TTC6: variants seen among roughly 807,000 people sequenced by gnomAD.
TTC6 encodes the protein tetratricopeptide repeat domain 6, also known as tetratricopeptide repeat protein 6.
A neutral mutation model predicts 210.4 loss-of-function variants in TTC6; 172 were observed. The observed-to-expected ratio is 0.82, with a 90% CI of 0.72 to 0.93. The LOEUF (loss-of-function observed/expected upper bound fraction) is 0.93, where lower values mean the gene tolerates loss of function less well. TTC6 is among the 40% of genes least tolerant of loss of function. The probability of loss-of-function intolerance (pLI) is 0.00; values close to 1 mark genes in which losing one functional copy is unlikely to be tolerated. For missense variants in TTC6, 2,414 were observed against 2,318.1 expected (o/e 1.04, Z -0.85); for synonymous variants, 804 against 819.6 (o/e 0.98, Z 0.32).
At chr14:37,602,068 C>T (rs965452487) in intron 1 of TTC6, among the ~76,000 whole-genome samples, 2 of 152,214 alleles carry the variant, frequency 1.3e-5, no homozygotes, top group Non-Finnish European at 2.9e-5. Flanking sequence ...AGGCTGCGCA[C>T]CCGGCTTAGA....
At chr14:37,628,686 G>T (rs529221387) in intron 1 of TTC6, among the ~76,000 whole-genome samples, 3 of 152,088 alleles carry the variant, frequency 2.0e-5, no homozygotes, top group African/African-American at 7.2e-5. Context: ...TTGCCCATGC[G>T]TATGTCCTGA....
At chr14:37,623,580 C>T (rs1428141692) in intron 1 of TTC6, among the ~76,000 whole-genome samples, 2 of 152,200 alleles carry the variant, frequency 1.3e-5, no homozygotes, top group Non-Finnish European at 2.9e-5. Context: ...ACTTTACATG[C>T]ATTTTTGTCC....
intron 14 of TTC6, among the ~76,000 whole-genome samples, chr14:37,754,478 A>G (rs2095961765): frequency 6.6e-6 from 1 of 150,828 alleles, no homozygotes; most frequent in African/African-American, 2.4e-5. Flanking sequence ...TGTCACCCAG[A>G]CTGGAGTGCG....
chr14:37,771,640 G>C (rs979308533), intron 14 of TTC6, among the ~76,000 whole-genome samples: 2 of 152,042 alleles, frequency 1.3e-5, no homozygotes, highest in African/African-American at 2.4e-5. Context: ...CTCGAGCCTT[G>C]GTTTTCAGCT....
Position 37,668,725 on chromosome 14 carries a change from A to G in TTC6, c.940-11426A>G, listed in dbSNP as rs536916533. On this transcript the variant is annotated intron_variant, in intron 1 of 30. Transcript: ENST00000553443. ...CAAAGTCACATGGCAAAAGGTGTGG[A>G]CAGAGTGAGAGGTGAAAAATTGAGG... Among the ~76,000 whole-genome samples, 5 of 152,314 alleles carry G rather than the reference A, an allele frequency of 3.3e-5. No individual in the cohort carries two copies. The South Asian group carries it at 1.0e-3, about 32-fold the overall frequency.
At chr14:37,695,328 A>G (rs940395224) in intron 3 of TTC6, among the ~76,000 whole-genome samples, 2 of 152,042 alleles carry the variant, frequency 1.3e-5, no homozygotes. Context: ...TGATAGCACA[A>G]CAGGGTGACT....
chr14:37,630,717 G>C (rs1262072578), intron 1 of TTC6, among the ~76,000 whole-genome samples: 6 of 151,998 alleles, frequency 3.9e-5, no homozygotes, highest in Non-Finnish European at 1.5e-5. Context: ...GGGTGTTTAA[G>C]TCTTTTTGTA....
At chr14:37,680,122 C>A in intron 1 of TTC6, 29 bp from the exon 4 acceptor site, 3 of 1,313,526 alleles carry the variant, frequency 2.3e-6, no homozygotes, top group Non-Finnish European at 3.1e-6. Context: ...TAAAAATTGG[C>A]ATCACTTTGT....
rs114377509 is a variant in TTC6, at chr14:37,734,456, C to G, written c.1819-1465C>G. Among the ~76,000 whole-genome samples the G allele has an allele frequency of 6.5e-3, 987 of 152,214 alleles. 12 individuals carry two copies. Among genetic ancestry groups the G allele is most frequent in the African/African-American group, 0.022 (933 of 41,530 alleles). ...AAGCATCTTTGAATAGTAGGCTTAC[C>G]TTTTCTGGTACCTTGTCTTTTCTCA... On this transcript the variant is annotated intron_variant, in intron 7 of 30. Coordinates refer to ENST00000553443, the Ensembl canonical transcript of TTC6.
chr14:37,738,893 C>T (rs925133808), exon 10 of TTC6: 21 of 1,535,200 alleles, frequency 1.4e-5, no homozygotes, highest in Admixed American at 5.9e-5. Flanking sequence ...GGAATTGAAA[C>T]GTCAGCTCCA....
intron 1 of TTC6, among the ~76,000 whole-genome samples, chr14:37,651,519 A>G (rs1469539348): frequency 2.7e-5 from 4 of 146,600 alleles, no homozygotes; most frequent in Admixed American, 1.4e-4. Flanking sequence ...AATATTGTCA[A>G]GTACCTTCAA....
intron 20 of TTC6, among the ~76,000 whole-genome samples, chr14:37,797,219 G>A (rs1204362753): frequency 6.6e-6 from 1 of 151,978 alleles, no homozygotes; most frequent in Non-Finnish European, 1.5e-5. Flanking sequence ...GAATGTGAAT[G>A]TTTAACTTTC....
chr14:37,796,918 A>G (rs567626976), exon 20 of TTC6: 2 of 1,603,656 alleles, frequency 1.2e-6, no homozygotes, highest in South Asian at 2.3e-5. Context: ...TCTATTAGCA[A>G]AAGTTCAAAT....
exon 15 of TTC6, chr14:37,787,561 G>T: frequency 6.5e-7 from 1 of 1,530,484 alleles, no homozygotes; most frequent in Non-Finnish European, 8.7e-7. Flanking sequence ...CTAATAACTG[G>T]TTAGCGTTGT....
At chr14:37,660,250 G>T (rs1369655782) in intron 1 of TTC6, among the ~76,000 whole-genome samples, 1 of 151,810 alleles carries the variant, frequency 6.6e-6, no homozygotes, top group Non-Finnish European at 1.5e-5. Flanking sequence ...TTTAGTTCTG[G>T]GATACGTGTG....
chr14:37,789,565 C>G (rs2096074733), intron 15 of TTC6, among the ~76,000 whole-genome samples: 1 of 144,196 alleles, frequency 6.9e-6, no homozygotes, highest in Admixed American at 7.1e-5. Flanking sequence ...GATTGATATT[C>G]ATTAATGGTG....
At chr14:37,713,027 C>T (rs752005554) in intron 5 of TTC6, among the ~76,000 whole-genome samples, 15 of 152,082 alleles carry the variant, frequency 9.9e-5, no homozygotes, top group East Asian at 3.9e-4. Flanking sequence ...CACAGGAAGG[C>T]GGCAAATCTG....
intron 1 of TTC6, among the ~76,000 whole-genome samples, chr14:37,630,908 T>G (rs1353907762): frequency 2.8e-4 from 6 of 21,448 alleles, no homozygotes; most frequent in East Asian, 1.2e-3. Context: ...GCAACCCCTG[T>G]TTTTTTTTTT....
intron 10 of TTC6, among the ~76,000 whole-genome samples, chr14:37,741,997 A>T (rs2095921321): frequency 6.6e-6 from 1 of 152,022 alleles, no homozygotes; most frequent in African/African-American, 2.4e-5. Flanking sequence ...ACCCACAGTG[A>T]CCTCTTCCTA....
Sources: allele counts gnomAD v4.1 joint callset (sites outside exome capture counted in the v4.1 genomes callset), GRCh38; gene constraint gnomAD v4.1.1; transcripts MANE v1.5; gene names NCBI Gene and HGNC (gene_info 2026-07-23, HGNC 2026-07-21).